Variants in DNMT3A observed in about 807,000 individuals in gnomAD.
DNMT3A encodes DNA (cytosine-5)-methyltransferase 3A.
DNMT3A carries 267 observed loss-of-function variants against 117.6 expected under a neutral mutation model. The ratio of observed to expected loss-of-function variants is 2.27; its 90% CI spans 2.05 to 2.51. The LOEUF (loss-of-function observed/expected upper bound fraction) is 2.51. Ranked by LOEUF, DNMT3A falls within the 30% of genes most tolerant of loss-of-function variation. The pLI, the probability that DNMT3A is intolerant of heterozygous loss-of-function variation, is 0.00. For missense variants in DNMT3A, 1,029 were observed against 1,260.2 expected, an observed-to-expected ratio of 0.82 and a Z score of 2.78; for synonymous variants, 432 against 474.8, an observed-to-expected ratio of 0.91 and a Z score of 1.17.
Position 25,246,257 on chromosome 2 carries a change from C to T in DNMT3A, c.1332G>A (p.Glu444=). 6.2e-7 allele frequency: 1 copy of T among 1,614,116 alleles called. No homozygotes were observed. Among genetic ancestry groups the T allele is most frequent in the Non-Finnish European group, 8.5e-7 (1 of 1,179,984 alleles). Residue 444 remains glutamate (E), a synonymous_variant, in exon 11 of 23, where the codon GAG becomes GAA. Coordinates refer to ENST00000321117, the MANE Select transcript of DNMT3A (RefSeq NM_022552.5). ...GTGGAGGTGGTGCGTAGGCAGCTGC[C>T]TCAGGTTCCACCCACATGTCCGTGT... ...EVYTDMWVEP[E]AAAYAPPPPA... is the part of the protein sequence containing the mutation.
chr2:25,301,266 CAAA>C (rs57731656), intron 2 of DNMT3A, among the ~76,000 whole-genome samples: 9 of 144,992 alleles, frequency 6.2e-5, no homozygotes, highest in African/African-American at 1.0e-4. Context: ...GAGACTGTCT[CAAA>C]AAAAAAAAAA....
intron 1 of DNMT3A, among the ~76,000 whole-genome samples, chr2:25,338,686 C>T (rs368913872): frequency 4.6e-5 from 7 of 152,256 alleles, no homozygotes; most frequent in African/African-American, 1.7e-4. Context: ...AAACTGAGAG[C>T]GGGGACAGAC....
chr2:25,334,253 A>G (rs1048201949), intron 1 of DNMT3A, among the ~76,000 whole-genome samples: 1 of 152,090 alleles, frequency 6.6e-6, no homozygotes, highest in Non-Finnish European at 1.5e-5. Flanking sequence ...TAGCAAGACG[A>G]CTGCAGACAG....
chr2:25,324,608 C>T (rs938376879), intron 1 of DNMT3A, among the ~76,000 whole-genome samples: 3 of 152,140 alleles, frequency 2.0e-5, no homozygotes, highest in Non-Finnish European at 4.4e-5. Flanking sequence ...GCCCCACCCC[C>T]ACCCCCTGCC....
At chr2:25,242,911 TATAATA>T (rs72110857) in intron 16 of DNMT3A, among the ~76,000 whole-genome samples, 65,295 of 151,422 alleles carry the variant, frequency 0.43, 14,348 homozygotes, top group Admixed American at 0.54. Context: ...CAGCACTACT[TATAATA>T]ATAATAAAAA....
At chr2:25,253,033 T>A (rs1675782264) in intron 6 of DNMT3A, among the ~76,000 whole-genome samples, 1 of 152,126 alleles carries the variant, frequency 6.6e-6, no homozygotes, top group Non-Finnish European at 1.5e-5. Flanking sequence ...CATTTTCCTG[T>A]TTGCAAGGTT....
intron 6 of DNMT3A, among the ~76,000 whole-genome samples, chr2:25,266,314 G>C (rs7590760): frequency 0.5 from 75,652 of 152,058 alleles, 19,189 homozygotes; most frequent in Non-Finnish European, 0.54. Context: ...AGGTCAGGTA[G>C]GGCAAATAAG....
At position 25,327,943 on chromosome 2, in the gene DNMT3A, T is replaced by TC. The variant is rs949020454; in HGVS notation, c.-177-13783dup. 6.6e-6 allele frequency among the ~76,000 whole-genome samples: 1 copy of TC among 152,144 alleles called. No individual in the cohort carries two copies. The highest frequency in any genetic ancestry group is 1.5e-5 in the Non-Finnish European group (1 of 68,016). On this transcript the variant is annotated intron_variant, in intron 1 of 22. Coordinates refer to ENST00000321117, the MANE Select transcript of DNMT3A (RefSeq NM_022552.5). The surrounding 1 kb of genome is among the most constrained non-coding windows in gnomAD (Gnocchi z 4.1). The stretch of plus-strand genomic sequence containing the variant: ...GTACCTGGTCCTTGGGCTTCTCTCG[T>TC]CCCCCTATTCCCTCCAGGCCCTTTG...
At chr2:25,270,385 T>A (rs1263828024) in intron 6 of DNMT3A, among the ~76,000 whole-genome samples, 2 of 152,140 alleles carry the variant, frequency 1.3e-5, no homozygotes, top group Non-Finnish European at 2.9e-5. Flanking sequence ...AAACTAGGAA[T>A]CCTCTATGCC....
At position 25,298,890 on chromosome 2, in the gene DNMT3A, C is replaced by G. The variant is rs545044944; in HGVS notation, c.177+1249G>C. Among the ~76,000 whole-genome samples the G allele has an allele frequency of 1.3e-5, 2 of 152,194 alleles. No individual in the cohort carries two copies. The highest frequency in any genetic ancestry group is 3.9e-4 in the East Asian group (2 of 5,178). ...TCAGGCAGAACTGGCAGGGGTGCAT[C>G]TCAGTACACAGCAGGTTCCCACACC... On this transcript the variant is annotated intron_variant, in intron 3 of 22. Coordinates refer to ENST00000321117, the MANE Select transcript of DNMT3A (RefSeq NM_022552.5). This position sits in a 1 kb window ranked among gnomAD's most constrained non-coding sequence, Gnocchi z 4.3.
rs1237912121 is a variant in DNMT3A at position 25,236,231 on chromosome 2, A to G, written c.2479-406T>C. Among the ~76,000 whole-genome samples the G allele has an allele frequency of 6.6e-6, 1 of 152,076 alleles. No individual in the cohort carries two copies. Among genetic ancestry groups the G allele is most frequent in the Non-Finnish European group, 1.5e-5 (1 of 68,024 alleles). On this transcript the variant is annotated intron_variant, in intron 21 of 22. Transcript: ENST00000321117. This position sits in a 1 kb window ranked among gnomAD's most constrained non-coding sequence, Gnocchi z 4.5. The stretch of plus-strand genomic sequence containing the variant: ...CAGGCGCCCGCCACCATGCCTGGCT[A>G]ATTTTTATATTTTTAGTCAGACAGG...
rs970486301 is a variant in DNMT3A at position 25,282,277 on chromosome 2, G to A, written c.448+164C>T. On this transcript the variant is annotated intron_variant, in intron 4 of 22. Transcript: ENST00000321117. This position sits in a 1 kb window ranked among gnomAD's most constrained non-coding sequence, Gnocchi z 5.2. ...TCTATGGGCCAAATAAAACATATGC[G>A]CAGGCTGCATCCAGCCAGTAGCCTC... is the stretch of plus-strand genomic sequence containing the variant. 45 of 1,428,328 alleles carry A rather than the reference G, an allele frequency of 3.2e-5. No homozygotes were observed. Among genetic ancestry groups the A allele is most frequent in the East Asian group, 2.3e-4 (9 of 38,338 alleles). 88.5% of individuals were successfully genotyped at this position (1,428,328 alleles called of 1,614,324 possible).
intron 4 of DNMT3A, among the ~76,000 whole-genome samples, chr2:25,276,305 T>C (rs2031402952): frequency 1.3e-5 from 2 of 152,086 alleles, no homozygotes; most frequent in Non-Finnish European, 2.9e-5. Flanking sequence ...CTGTAACCTC[T>C]CCTGGCCTGT....
intron 6 of DNMT3A, among the ~76,000 whole-genome samples, chr2:25,255,309 C>A (rs1215197441): frequency 6.6e-6 from 1 of 152,210 alleles, no homozygotes; most frequent in Non-Finnish European, 1.5e-5. Flanking sequence ...CCAAAGTAAA[C>A]CTCCCTGGTA....
In DNMT3A at chr2:25,248,389, C is replaced by A. The variant is rs1054232490; in HGVS notation, c.640-137G>T. The A allele has an allele frequency of 5.5e-6, 5 of 910,820 alleles. No individual in the cohort carries two copies. The African/African-American group carries it at 8.6e-5, about 16-fold the overall frequency. The allele number at this position is 910,820 out of a possible 1,614,324, so 56.4% of individuals were successfully genotyped here. Reference sequence around the variant, plus strand: ...AGGGCTGGAGAGAGCCAACCAGCTGCCTTGCCGTGAAAAATGGAAAGACTT... The same window carrying A: ...AGGGCTGGAGAGAGCCAACCAGCTGACTTGCCGTGAAAAATGGAAAGACTT... On this transcript the variant is annotated intron_variant, in intron 6 of 22. Transcript: ENST00000321117.
At position 25,303,629 on chromosome 2, in the gene DNMT3A, G is replaced by A. The variant is rs574506179; in HGVS notation, c.73-3386C>T. The stretch of plus-strand genomic sequence containing the variant: ...TTCAGGCCCCGCATGCTTCTGGGTC[G>A]TGCTTGGAGTCTCCACGAGAGCCAG... On this transcript the variant is annotated intron_variant, in intron 2 of 22. Coordinates refer to ENST00000321117, the MANE Select transcript of DNMT3A (RefSeq NM_022552.5). Among the ~76,000 whole-genome samples, 3 of 152,332 alleles carry A rather than the reference G, an allele frequency of 2.0e-5. 1 individual carries two copies. The South Asian group carries it at 6.2e-4, about 32-fold the overall frequency.
rs1288063920 is a variant in DNMT3A, at chr2:25,306,617, C to T, written c.73-6374G>A. On this transcript the variant is annotated intron_variant, in intron 2 of 22. Transcript: ENST00000321117. The surrounding 1 kb of genome is among the most constrained non-coding windows in gnomAD (Gnocchi z 4.1). ...TGCCAGGGCTGCAGCCCCTTGTCCA[C>T]AGCCTGTCCACCTGGCTGGGGCCTC... Among the ~76,000 whole-genome samples the T allele has an allele frequency of 6.6e-6, 1 of 152,188 alleles. No homozygotes were observed. The highest frequency in any genetic ancestry group is 1.9e-4 in the East Asian group (1 of 5,180).
rs2149385724 is a variant in DNMT3A at position 25,286,591 on chromosome 2, T to C, written c.178-3880A>G. Among the ~76,000 whole-genome samples the C allele has an allele frequency of 6.6e-6, 1 of 152,326 alleles. No individual in the cohort carries two copies. The highest frequency in any genetic ancestry group is 1.9e-4 in the East Asian group (1 of 5,180). On this transcript the variant is annotated intron_variant, in intron 3 of 22. Transcript: ENST00000321117. The surrounding 1 kb of genome is among the most constrained non-coding windows in gnomAD (Gnocchi z 4.3). ...TCTGCCACGCTCAACCCTTGATTCA[T>C]CCTACCCATCAAGAACTCCCTCAAG... is the stretch of plus-strand genomic sequence containing the variant.
intron 1 of DNMT3A, among the ~76,000 whole-genome samples, chr2:25,331,890 T>C (rs1377048645): frequency 1.4e-5 from 2 of 147,886 alleles, no homozygotes; most frequent in Non-Finnish European, 3.0e-5. Flanking sequence ...CCTCCTGCTC[T>C]CTCCGACTCC....
Sources: gnomAD v4.1 joint callset for allele counts (sites outside exome capture counted in the v4.1 genomes callset) on GRCh38, gnomAD v4.1.1 for gene constraint, Gnocchi (gnomAD v3.1) non-coding constraint, MANE v1.5 for transcripts, NCBI Gene and HGNC (gene_info 2026-07-23, HGNC 2026-07-21) for gene names.